SERGEF: variants seen among roughly 807,000 people sequenced by gnomAD.
The protein encoded by SERGEF is secretion-regulating guanine nucleotide exchange factor.
A neutral mutation model predicts 50.0 loss-of-function variants in SERGEF; 51 were observed. The ratio of observed to expected loss-of-function variants is 1.02; its 90% CI spans 0.81 to 1.29. SERGEF has a LOEUF of 1.29. SERGEF is among the 50% of genes most tolerant of loss of function. The pLI is 0.00. For synonymous variants in SERGEF, 205 were observed against 212.4 expected, an observed-to-expected ratio of 0.97 and a Z score of 0.30; for missense variants, 521 against 557.0, an observed-to-expected ratio of 0.94 and a Z score of 0.65.
At chr11:17,871,403 G>T (rs980056490) in intron 10 of SERGEF, among the ~76,000 whole-genome samples, 3 of 149,494 alleles carry the variant, frequency 2.0e-5, no homozygotes, top group Non-Finnish European at 4.4e-5. Context: ...GGAGCTTGCA[G>T]TGAACTGAGA....
intron 9 of SERGEF, among the ~76,000 whole-genome samples, chr11:17,943,390 T>C (rs374640020): frequency 1.3e-5 from 2 of 152,192 alleles, no homozygotes; most frequent in African/African-American, 2.4e-5. Context: ...TTCCTTAGTC[T>C]CCTTTAATGT....
Position 17,982,008 on chromosome 11 carries a change from C to T in SERGEF, c.844+6589G>A, listed in dbSNP as rs573291980. On this transcript the variant is annotated intron_variant, in intron 8 of 10. Transcript: ENST00000265965. ...GTTGTAGAGACAGAGTTTTGCCATA[C>T]TGCCCAGGCTGATCTCAAACTCCTG... Among the ~76,000 whole-genome samples the T allele has an allele frequency of 1.5e-3, 222 of 152,184 alleles. 2 individuals are homozygous for T. Among genetic ancestry groups the T allele is most frequent in the Admixed American group, 4.1e-3 (62 of 15,280 alleles).
At chr11:17,859,520 T>C (rs556819696) in intron 10 of SERGEF, among the ~76,000 whole-genome samples, 1 of 152,100 alleles carries the variant, frequency 6.6e-6, no homozygotes, top group African/African-American at 2.4e-5. Flanking sequence ...AGGAAAAAAT[T>C]GTAAAACAAT....
chr11:17,922,815 A>G (rs1852183872), intron 9 of SERGEF, among the ~76,000 whole-genome samples: 1 of 152,230 alleles, frequency 6.6e-6, no homozygotes, highest in Non-Finnish European at 1.5e-5. Context: ...CACAATGCAC[A>G]TAAGGGAGCT....
chr11:17,899,952 CAAA>C (rs113362559), intron 9 of SERGEF, among the ~76,000 whole-genome samples: 2 of 89,798 alleles, frequency 2.2e-5, no homozygotes. Flanking sequence ...CTCTTGCCTC[CAAA>C]AAAAAAAAAA....
At chr11:17,789,617 A>G (rs574104246) in intron 10 of SERGEF, among the ~76,000 whole-genome samples, 9 of 152,370 alleles carry the variant, frequency 5.9e-5, no homozygotes, top group African/African-American at 2.2e-4. Context: ...TCTTCATGAC[A>G]AAAGAAAAGA....
At chr11:17,947,189 C>T (rs775037848) in intron 9 of SERGEF, among the ~76,000 whole-genome samples, 2 of 152,192 alleles carry the variant, frequency 1.3e-5, no homozygotes, top group Non-Finnish European at 2.9e-5. Context: ...GTGTCATGCA[C>T]TAAAGTTACA....
intron 10 of SERGEF, among the ~76,000 whole-genome samples, chr11:17,811,681 G>A (rs868023948): frequency 6.6e-6 from 1 of 152,322 alleles, no homozygotes; most frequent in Middle Eastern, 3.4e-3. Context: ...TGGGCGCTCC[G>A]GAGGCGAAGA....
rs75230913 is a variant in SERGEF, at chr11:17,978,104, C to T, written c.844+10493G>A. Among the ~76,000 whole-genome samples, 1,182 of 152,262 alleles carry T rather than the reference C, an allele frequency of 7.8e-3. 21 individuals carry two copies. Among genetic ancestry groups the T allele is most frequent in the African/African-American group, 0.027 (1,140 of 41,536 alleles). On this transcript the variant is annotated intron_variant, in intron 8 of 10. Coordinates refer to ENST00000265965, the MANE Select transcript of SERGEF (RefSeq NM_012139.4). ...TAGCTATGGTACTTTATACAAGCCA[C>T]TTAGCCTCTCTGAGCCTCAATCCTC...
At chr11:17,869,165 A>T (rs532815617) in intron 10 of SERGEF, among the ~76,000 whole-genome samples, 1 of 152,352 alleles carries the variant, frequency 6.6e-6, no homozygotes, top group East Asian at 1.9e-4. Context: ...TCTGGAGGAG[A>T]GAAGGATTCC....
chr11:17,884,372 G>A lies in SERGEF; in HGVS notation c.1012-6128C>T, dbSNP rs1244037023. Among the ~76,000 whole-genome samples, 1 of 152,180 alleles carries A rather than the reference G, an allele frequency of 6.6e-6. No homozygotes were observed. Among genetic ancestry groups the A allele is most frequent in the Non-Finnish European group, 1.5e-5 (1 of 68,016 alleles). On this transcript the variant is annotated intron_variant, in intron 9 of 10. Coordinates refer to ENST00000265965, the MANE Select transcript of SERGEF (RefSeq NM_012139.4). This position sits in a 1 kb window ranked among gnomAD's most constrained non-coding sequence, Gnocchi z 4.6. ...TCCAGAATGGCAGCCCCAGCTGGCTGGGCAGCCTGCGCCGCCTGGGTTAAC... is the reference window on the plus strand; with the variant it reads ...TCCAGAATGGCAGCCCCAGCTGGCTAGGCAGCCTGCGCCGCCTGGGTTAAC...
intron 10 of SERGEF, among the ~76,000 whole-genome samples, chr11:17,802,717 C>T (rs1849693074): frequency 6.6e-6 from 1 of 151,994 alleles, no homozygotes; most frequent in Admixed American, 6.5e-5. Context: ...CTGCCCGGAA[C>T]CTTCCTCCCC....
intron 10 of SERGEF, among the ~76,000 whole-genome samples, chr11:17,828,751 A>G (rs989605942): frequency 9.2e-5 from 14 of 152,186 alleles, no homozygotes; most frequent in African/African-American, 2.7e-4. Flanking sequence ...GATGAAAAGA[A>G]ATGTCCAACA....
chr11:17,871,482 GAGTA>G, intron 10 of SERGEF, among the ~76,000 whole-genome samples: 1 of 140,308 alleles, frequency 7.1e-6, no homozygotes, highest in South Asian at 2.3e-4. Flanking sequence ...AAAAAAAAAA[GAGTA>G]AGCCACTGGC....
intron 9 of SERGEF, among the ~76,000 whole-genome samples, chr11:17,883,106 G>A (rs1257003978): frequency 6.6e-6 from 1 of 152,092 alleles, no homozygotes; most frequent in Non-Finnish European, 1.5e-5. Flanking sequence ...AGTCAGAGCT[G>A]CAAAAAACAA....
intron 10 of SERGEF, among the ~76,000 whole-genome samples, chr11:17,797,347 C>T (rs1372958100): frequency 1.3e-5 from 2 of 152,312 alleles, no homozygotes; most frequent in African/African-American, 4.8e-5. Flanking sequence ...GTGACACTGA[C>T]TTTCTTACTG....
At chr11:17,802,340 G>GAA (rs1175614952) in intron 10 of SERGEF, among the ~76,000 whole-genome samples, 3 of 152,162 alleles carry the variant, frequency 2.0e-5, no homozygotes, top group Non-Finnish European at 4.4e-5. Context: ...GTTCCACTGG[G>GAA]CTCCCTCCCT....
intron 10 of SERGEF, among the ~76,000 whole-genome samples, chr11:17,851,059 G>T (rs749423122): frequency 4.6e-5 from 7 of 152,164 alleles, no homozygotes; most frequent in African/African-American, 1.7e-4. Context: ...ACCTACCTTA[G>T]ATAAATTAGC....
At chr11:17,801,022 T>C (rs4757590) in intron 10 of SERGEF, among the ~76,000 whole-genome samples, 54,220 of 151,454 alleles carry the variant, frequency 0.36, 10,028 homozygotes, top group South Asian at 0.44. Flanking sequence ...GGTGAAAGCC[T>C]GTCTCTACTA....
Sources: allele counts gnomAD v4.1 joint callset (sites outside exome capture counted in the v4.1 genomes callset), GRCh38; gene constraint gnomAD v4.1.1; non-coding constraint Gnocchi (gnomAD v3.1); transcripts MANE v1.5; gene names NCBI Gene and HGNC (gene_info 2026-07-23, HGNC 2026-07-21).